FOXO3: variants seen among roughly 807,000 people sequenced by gnomAD.
FOXO3 encodes forkhead box O3, also known as forkhead box protein O3.
Under a neutral mutation model 41.9 loss-of-function variants are expected in FOXO3, and 4 were observed. The observed-to-expected ratio is 0.10, with a 90% CI of 0.05 to 0.22. FOXO3 has a LOEUF of 0.22. FOXO3 is among the 10% of genes least tolerant of loss of function. The probability of loss-of-function intolerance (pLI) is 1.00; values close to 1 mark genes in which losing one functional copy is unlikely to be tolerated. For missense variants in FOXO3, 534 were observed against 906.8 expected, an observed-to-expected ratio of 0.59 and a Z score of 5.28; for synonymous variants, 318 against 389.3, an observed-to-expected ratio of 0.82 and a Z score of 2.16.
rs573840411 is a variant in FOXO3 at position 108,658,620 on chromosome 6, G to A, written c.622-4835G>A. The stretch of plus-strand genomic sequence containing the variant: ...TGGAGTGCAGTGGAGATGGGGTTTC[G>A]CCACGTTGGCCAGCGTGGTCTCAAA... On this transcript the variant is annotated intron_variant, in intron 1 of 2. Transcript: ENST00000406360. Among the ~76,000 whole-genome samples the A allele has an allele frequency of 8.7e-5, 13 of 149,796 alleles. No homozygotes were observed. The East Asian group carries it at 1.0e-3, about 12-fold the overall frequency.
intron 1 of FOXO3, among the ~76,000 whole-genome samples, chr6:108,623,553 C>G (rs1048186811): frequency 1.3e-5 from 2 of 152,100 alleles, no homozygotes; most frequent in Non-Finnish European, 2.9e-5. Flanking sequence ...TTGGGCAGGC[C>G]TTGTCAGACG....
intron 1 of FOXO3, among the ~76,000 whole-genome samples, chr6:108,644,487 C>G (rs1582809559): frequency 6.6e-6 from 1 of 152,148 alleles, no homozygotes; most frequent in Non-Finnish European, 1.5e-5. Flanking sequence ...GTTCTCCTCT[C>G]TTTCTGGATC....
intron 1 of FOXO3, among the ~76,000 whole-genome samples, chr6:108,595,432 G>A (rs963631153): frequency 6.6e-6 from 1 of 152,178 alleles, no homozygotes; most frequent in Admixed American, 6.5e-5. Flanking sequence ...TCATTGTTTT[G>A]TAAGAAATGC....
chr6:108,600,308 G>A (rs2040265714), intron 1 of FOXO3, among the ~76,000 whole-genome samples: 1 of 152,036 alleles, frequency 6.6e-6, no homozygotes, highest in Admixed American at 6.6e-5. Context: ...ACTTTAGGAG[G>A]CCGAGGCAAG....
In FOXO3 at chr6:108,669,809, T is replaced by G. The variant is rs1779163252; in HGVS notation, c.*34+4920T>G. Among the ~76,000 whole-genome samples the G allele has an allele frequency of 2.0e-5, 3 of 152,172 alleles. No homozygotes were observed. In the South Asian group the frequency reaches 6.2e-4, roughly 32 times the overall value. ...CTGTTGGTTTTATAAAATGCACCTG[T>G]TTTCACCTCTGGCCAGCCTGCTAAG... On this transcript the variant is annotated intron_variant, in intron 2 of 2. Coordinates refer to ENST00000406360, the MANE Select transcript of FOXO3 (RefSeq NM_001455.4).
upstream of FOXO3, among the ~76,000 whole-genome samples, chr6:108,560,567 G>T (rs1027782320): frequency 2.0e-5 from 3 of 152,156 alleles, no homozygotes; most frequent in Non-Finnish European, 4.4e-5. Flanking sequence ...TCGACCGGGT[G>T]GGGGGTGACG....
At chr6:108,587,624 C>T (rs1412399239) in intron 1 of FOXO3, among the ~76,000 whole-genome samples, 3 of 152,162 alleles carry the variant, frequency 2.0e-5, no homozygotes, top group Non-Finnish European at 4.4e-5. Context: ...TTTTTTCTCC[C>T]CTTCGTTTTA....
intron 1 of FOXO3, among the ~76,000 whole-genome samples, chr6:108,585,020 A>AAATTT (rs1776534718): frequency 2.3e-5 from 1 of 43,432 alleles, no homozygotes; most frequent in Non-Finnish European, 5.5e-5. Context: ...TATCTCCAAA[A>AAATTT]TCTTTTTTTT....
At chr6:108,565,645 C>T (rs753199112) in intron 1 of FOXO3, among the ~76,000 whole-genome samples, 4 of 152,226 alleles carry the variant, frequency 2.6e-5, no homozygotes, top group Admixed American at 6.5e-5. Context: ...ATTTCTGCTG[C>T]TGCTGCTGCT....
chr6:108,678,155 C>T (rs950048819), intron 2 of FOXO3, among the ~76,000 whole-genome samples: 1 of 152,122 alleles, frequency 6.6e-6, no homozygotes, highest in Non-Finnish European at 1.5e-5. Context: ...GTAAGATTGC[C>T]AGCAAGTGCA....
At chr6:108,576,888 T>TC (rs1217773331) in intron 1 of FOXO3, among the ~76,000 whole-genome samples, 3 of 152,184 alleles carry the variant, frequency 2.0e-5, no homozygotes, top group Admixed American at 1.3e-4. Flanking sequence ...AATTTTTTTT[T>TC]CAGCTTGTTA....
intron 2 of FOXO3, among the ~76,000 whole-genome samples, chr6:108,673,433 T>C (rs991329212): frequency 1.3e-5 from 2 of 152,250 alleles, no homozygotes; most frequent in Non-Finnish European, 2.9e-5. Context: ...TCTCAGTTCC[T>C]CTGTGGCACT....
intron 1 of FOXO3, among the ~76,000 whole-genome samples, chr6:108,611,441 A>G (rs1223436254): frequency 6.6e-6 from 1 of 152,176 alleles, no homozygotes; most frequent in African/African-American, 2.4e-5. Context: ...GAAACTGCCA[A>G]ACTGTTTTCC....
At chr6:108,587,845 G>A (rs1247916893) in intron 1 of FOXO3, among the ~76,000 whole-genome samples, 1 of 152,194 alleles carries the variant, frequency 6.6e-6, no homozygotes, top group Non-Finnish European at 1.5e-5. Flanking sequence ...TCAGCCATAG[G>A]ACACACATAA....
chr6:108,589,303 C>T (rs1020915117), intron 1 of FOXO3, among the ~76,000 whole-genome samples: 1 of 152,226 alleles, frequency 6.6e-6, no homozygotes, highest in African/African-American at 2.4e-5. Flanking sequence ...GACATAAGCA[C>T]CCCCTGCCCC....
At chr6:108,661,967 G>GT (rs1248229399) in intron 1 of FOXO3, among the ~76,000 whole-genome samples, 1 of 152,174 alleles carries the variant, frequency 6.6e-6, no homozygotes, top group Admixed American at 6.5e-5. Flanking sequence ...CTTACAGTAT[G>GT]TGACATTTGT....
chr6:108,653,372 A>G (rs1488324316), intron 1 of FOXO3, among the ~76,000 whole-genome samples: 1 of 151,980 alleles, frequency 6.6e-6, no homozygotes, highest in Non-Finnish European at 1.5e-5. Context: ...GCCAGACTGC[A>G]CCCTGCATTT....
intron 1 of FOXO3, among the ~76,000 whole-genome samples, chr6:108,591,793 A>G (rs1200678000): frequency 2.0e-5 from 3 of 152,128 alleles, no homozygotes. Context: ...AAAGTTACTT[A>G]TAAGTTCTGA....
intron 1 of FOXO3, among the ~76,000 whole-genome samples, chr6:108,588,934 T>A (rs905015963): frequency 2.0e-5 from 3 of 152,246 alleles, no homozygotes; most frequent in Admixed American, 6.5e-5. Flanking sequence ...CACTTTTTGA[T>A]GGAAGGTAAT....
Sources: gnomAD v4.1 joint callset for allele counts (sites outside exome capture counted in the v4.1 genomes callset) on GRCh38, gnomAD v4.1.1 for gene constraint, MANE v1.5 for transcripts, NCBI Gene and HGNC (gene_info 2026-07-23, HGNC 2026-07-21) for gene names.